HKDC1: variants seen among roughly 807,000 people sequenced by gnomAD.
HKDC1 encodes the protein hexokinase domain containing 1.
Under a neutral mutation model 96.6 loss-of-function variants are expected in HKDC1, and 66 were observed. That is an observed-to-expected ratio of 0.68 (90% confidence interval 0.56 to 0.84). The LOEUF is 0.84. HKDC1 is among the 40% of genes least tolerant of loss of function. The pLI, the probability that HKDC1 is intolerant of heterozygous loss-of-function variation, is 0.00. For synonymous variants in HKDC1, 466 were observed against 473.1 expected (o/e 0.98, Z 0.20); for missense variants, 1,211 against 1,208.1 (o/e 1.00, Z -0.04).
intron 16 of HKDC1, among the ~76,000 whole-genome samples, chr10:69,264,839 T>C (rs1035653579): frequency 2.6e-5 from 4 of 152,238 alleles, no homozygotes; most frequent in Non-Finnish European, 5.9e-5. Context: ...CATTGCTTGG[T>C]GTGGGAGTCA....
chr10:69,225,579 G>T (rs1182438041), intron 1 of HKDC1, among the ~76,000 whole-genome samples: 1 of 152,146 alleles, frequency 6.6e-6, no homozygotes, highest in Non-Finnish European at 1.5e-5. Flanking sequence ...TCAGTGTCTT[G>T]GGTCTGTTCG....
intron 2 of HKDC1, among the ~76,000 whole-genome samples, chr10:69,228,440 G>A (rs1299310766): frequency 6.6e-6 from 1 of 152,154 alleles, no homozygotes; most frequent in Non-Finnish European, 1.5e-5. Context: ...TGGGGATTAG[G>A]ATGTGAGCAT....
chr10:69,254,311 G>GA lies in HKDC1; in HGVS notation c.1837-2715dup, dbSNP rs887127392. ...CAGAGAAGACTCAGTCTCAAAAAGA[G>GA]AAAAAAAAAATTTTTTTAACCATTT... On this transcript the variant is annotated intron_variant, in intron 12 of 17. Transcript: ENST00000354624. Among the ~76,000 whole-genome samples, 31 of 145,550 alleles carry GA rather than the reference G, an allele frequency of 2.1e-4. No homozygotes were observed. The South Asian group carries it at 6.4e-3, about 30-fold the overall frequency.
At chr10:69,249,558 T>G (rs1046249234) in intron 10 of HKDC1, among the ~76,000 whole-genome samples, 6 of 152,210 alleles carry the variant, frequency 3.9e-5, no homozygotes, top group Non-Finnish European at 7.3e-5. Context: ...TGCAGTAGCG[T>G]GATCTCCGCT....
At chr10:69,240,821 C>A in intron 6 of HKDC1, 70 bp downstream of exon 6, 1 of 1,189,352 alleles carries the variant, frequency 8.4e-7, no homozygotes, top group Non-Finnish European at 1.3e-6. Flanking sequence ...TTTCAGCGAG[C>A]TCTGAGTGAA....
chr10:69,231,101 T>G (rs1174653442), intron 2 of HKDC1, among the ~76,000 whole-genome samples: 1 of 152,124 alleles, frequency 6.6e-6, no homozygotes, highest in Non-Finnish European at 1.5e-5. Context: ...AGGTGTTTGA[T>G]AGTGATTGCG....
chr10:69,255,474 C>G (rs1473518880), intron 12 of HKDC1, among the ~76,000 whole-genome samples: 1 of 152,150 alleles, frequency 6.6e-6, no homozygotes, highest in Admixed American at 6.5e-5. Context: ...TTCTCACTGC[C>G]TTTCCTGTCC....
chr10:69,230,288 C>T (rs1344376530), intron 2 of HKDC1, among the ~76,000 whole-genome samples: 1 of 152,202 alleles, frequency 6.6e-6, no homozygotes, highest in African/African-American at 2.4e-5. Flanking sequence ...CTGTTCCAGG[C>T]CTTAGCCTCC....
chr10:69,243,050 C>A (rs12217871), intron 6 of HKDC1, 132 bp from the exon 7 acceptor site: 5 of 855,688 alleles, frequency 5.8e-6, no homozygotes, highest in African/African-American at 1.7e-5. Context: ...CTTCCCTCAG[C>A]GAGAGCCAGC....
intron 17 of HKDC1, among the ~76,000 whole-genome samples, chr10:69,266,217 A>G (rs1271081306): frequency 1.3e-5 from 2 of 152,214 alleles, no homozygotes; most frequent in Non-Finnish European, 2.9e-5. Flanking sequence ...CGGGAGGATC[A>G]CTTGAGCCCA....
At chr10:69,257,960 G>A (rs1405045228) in intron 14 of HKDC1, among the ~76,000 whole-genome samples, 2 of 152,146 alleles carry the variant, frequency 1.3e-5, no homozygotes, top group East Asian at 3.9e-4. Context: ...GGGTAGAATG[G>A]GTAGGATTGG....
intron 2 of HKDC1, among the ~76,000 whole-genome samples, chr10:69,231,907 A>T (rs1368661658): frequency 6.6e-6 from 1 of 152,020 alleles, no homozygotes; most frequent in African/African-American, 2.4e-5. Context: ...ATAATAAATG[A>T]CTCCATCAGC....
At chr10:69,262,886 G>A (rs1246412375) in intron 16 of HKDC1, among the ~76,000 whole-genome samples, 1 of 151,102 alleles carries the variant, frequency 6.6e-6, no homozygotes, top group African/African-American at 2.4e-5. Context: ...TCCCTCATAA[G>A]CAATAGACCG....
intron 12 of HKDC1, among the ~76,000 whole-genome samples, chr10:69,252,643 C>CAA (rs71471534): frequency 1.0e-3 from 65 of 64,436 alleles, no homozygotes; most frequent in Non-Finnish European, 1.3e-3. Flanking sequence ...GACTCTGTCT[C>CAA]AAAAAAAAAA....
chr10:69,243,200 G>A lies in HKDC1; in HGVS notation c.710G>A (p.Cys237Tyr), dbSNP rs1843480471. Residue 237 changes from cysteine (C) to tyrosine (Y), a missense_variant, in exon 7 of 18, where the codon TGT (cysteine) becomes TAT (tyrosine). Coordinates refer to ENST00000354624, the MANE Select transcript of HKDC1 (RefSeq NM_025130.4). ...GGTTCAGGAACTGGCACCAATGCGT[G>A]TTACATGGAGGACATGAGCAACATT... ...GVIIGTGTNA[C>Y]YMEDMSNIDL... The A allele has an allele frequency of 3.7e-6, 6 of 1,614,236 alleles. No individual in the cohort carries two copies. The highest frequency in any genetic ancestry group is 5.1e-6 in the Non-Finnish European group (6 of 1,180,026).
At chr10:69,251,199 A>G (rs2132364453) in intron 12 of HKDC1, among the ~76,000 whole-genome samples, 1 of 150,228 alleles carries the variant, frequency 6.7e-6, no homozygotes, top group East Asian at 2.0e-4. Context: ...GGTTCAAGCA[A>G]TTCTCCTGCC....
At chr10:69,249,852 C>G (rs777533525) in intron 10 of HKDC1, among the ~76,000 whole-genome samples, 14 of 152,170 alleles carry the variant, frequency 9.2e-5, no homozygotes, top group Non-Finnish European at 1.9e-4. Flanking sequence ...TGCCCTGTAC[C>G]GTTCCTTGGG....
Position 69,233,128 on chromosome 10 carries a change from G to T in HKDC1, c.490G>T (p.Glu164Ter), listed in dbSNP as rs1397126431. ...FSFPCRQTKL[E>*]EGVLLSWTKK... is the part of the protein sequence containing the mutation. Reference sequence around the variant, plus strand: ...TTTCCCCTGTCGACAGACTAAACTGGAAGAGGTAAGGCGCGGAGGGAAGCA... The same window carrying T: ...TTTCCCCTGTCGACAGACTAAACTGTAAGAGGTAAGGCGCGGAGGGAAGCA... Residue 164 changes from glutamate to a stop codon, truncating the protein, a stop_gained, in exon 4 of 18, where the codon GAA becomes TAA. Transcript: ENST00000354624. LOFTEE classifies it high-confidence loss of function. The T allele has an allele frequency of 1.2e-6, 2 of 1,613,928 alleles. No homozygotes were observed. The highest frequency in any genetic ancestry group is 1.7e-6 in the Non-Finnish European group (2 of 1,179,990).
chr10:69,253,546 T>C (rs1480069376), intron 12 of HKDC1, among the ~76,000 whole-genome samples: 1 of 152,206 alleles, frequency 6.6e-6, no homozygotes, highest in East Asian at 1.9e-4. Flanking sequence ...GCAGATTATT[T>C]AACTTCTCTG....
Sources: gnomAD v4.1 joint callset for allele counts (sites outside exome capture counted in the v4.1 genomes callset) on GRCh38, gnomAD v4.1.1 for gene constraint, MANE v1.5 for transcripts, NCBI Gene and HGNC (gene_info 2026-07-23, HGNC 2026-07-21) for gene names.